DOCK9: variants seen among roughly 807,000 people sequenced by gnomAD.
The protein encoded by DOCK9 is dedicator of cytokinesis 9.
A neutral mutation model predicts 263.3 loss-of-function variants in DOCK9; 89 were observed. The ratio of observed to expected loss-of-function variants is 0.34; its 90% CI spans 0.28 to 0.40. The LOEUF (loss-of-function observed/expected upper bound fraction) is 0.40. Ranked by LOEUF, DOCK9 falls within the 10% of genes least tolerant of loss-of-function variation. DOCK9 has a pLI of 1.00. For synonymous variants in DOCK9, 976 were observed against 973.1 expected, an observed-to-expected ratio of 1.00 and a Z score of -0.06; for missense variants, 2,140 against 2,603.4, an observed-to-expected ratio of 0.82 and a Z score of 3.87.
chr13:99,074,612 G>A (rs574859342), intron 1 of DOCK9, among the ~76,000 whole-genome samples: 2 of 139,978 alleles, frequency 1.4e-5, no homozygotes, highest in East Asian at 4.4e-4. Flanking sequence ...CATGTTCCCA[G>A]AATGTGTGAT....
intron 27 of DOCK9, among the ~76,000 whole-genome samples, chr13:98,877,807 C>T (rs1405724879): frequency 6.6e-6 from 1 of 152,170 alleles, no homozygotes; most frequent in Non-Finnish European, 1.5e-5. Flanking sequence ...GCACCTCAAA[C>T]ATAGTAGGGG....
intron 1 of DOCK9, among the ~76,000 whole-genome samples, chr13:99,007,916 T>C (rs977811958): frequency 6.6e-6 from 1 of 152,192 alleles, no homozygotes; most frequent in Non-Finnish European, 1.5e-5. Flanking sequence ...GAGGGTAGTC[T>C]GGCTATACAT....
At chr13:98,885,634 T>A (rs1169246831) in intron 20 of DOCK9, 74 bp downstream of exon 20, 9 of 1,463,070 alleles carry the variant, frequency 6.2e-6, no homozygotes, top group Non-Finnish European at 8.2e-6. Context: ...AGATGGAAAT[T>A]CAGAATCTTA....
intron 1 of DOCK9, among the ~76,000 whole-genome samples, chr13:98,973,786 C>T (rs1185179250): frequency 3.3e-5 from 5 of 152,068 alleles, no homozygotes; most frequent in Admixed American, 6.6e-5. Flanking sequence ...TTTGTAGAGA[C>T]GGAGTTTCGC....
intron 21 of DOCK9, among the ~76,000 whole-genome samples, chr13:98,884,472 G>C (rs1348003214): frequency 1.3e-5 from 2 of 152,166 alleles, no homozygotes; most frequent in Admixed American, 1.3e-4. Context: ...TTATAAAGCC[G>C]CAGTCTATAA....
At chr13:99,058,129 T>A (rs1380614573) in intron 1 of DOCK9, among the ~76,000 whole-genome samples, 1 of 151,070 alleles carries the variant, frequency 6.6e-6, no homozygotes, top group East Asian at 1.9e-4. Flanking sequence ...CTGGGTGGGG[T>A]GATTCTGACC....
intron 45 of DOCK9, among the ~76,000 whole-genome samples, chr13:98,813,303 G>C (rs2091493034): frequency 6.6e-6 from 1 of 152,084 alleles, no homozygotes; most frequent in Admixed American, 6.5e-5. Context: ...CAATTTTAGG[G>C]GCAAAGCATT....
intron 33 of DOCK9, 194 bp from the exon 34 acceptor site, chr13:98,856,225 A>C (rs2093703463): frequency 3.9e-6 from 2 of 517,778 alleles, no homozygotes; most frequent in Non-Finnish European, 6.7e-6. Context: ...ACTAGTCTGA[A>C]ACATTCAGAT....
chr13:98,868,054 A>G, intron 28 of DOCK9, 43 bp from the exon 29 acceptor site: 2 of 1,585,842 alleles, frequency 1.3e-6, no homozygotes, highest in Non-Finnish European at 1.7e-6. Flanking sequence ...AGGTCCAAAC[A>G]TTTCGGAAAT....
chr13:98,983,132 C>T (rs8002259), intron 1 of DOCK9, among the ~76,000 whole-genome samples: 152,327 of 152,344 alleles, frequency 1, 76,155 homozygotes, highest in Non-Finnish European at 1. Flanking sequence ...GAAAAATATG[C>T]ATACACACAC....
chr13:99,006,013 C>T (rs938421335), intron 1 of DOCK9, among the ~76,000 whole-genome samples: 1 of 152,066 alleles, frequency 6.6e-6, no homozygotes, highest in African/African-American at 2.4e-5. Flanking sequence ...AATTTCTAAG[C>T]ATAAAGGTAA....
intron 45 of DOCK9, among the ~76,000 whole-genome samples, chr13:98,816,727 G>C (rs990549091): frequency 6.6e-5 from 10 of 151,232 alleles, no homozygotes; most frequent in Non-Finnish European, 1.3e-4. Flanking sequence ...TCAGGTGAAA[G>C]TGAAAGGTGG....
Position 98,902,420 on chromosome 13 carries a change from G to A in DOCK9, c.1248C>T (p.His416=), listed in dbSNP as rs62637601. The part of the protein sequence containing the change: ...KYNRKISADF[H]VDLNHFSVRQ... ...TCACTGAGAAATGGTTCAGGTCTAC[G>A]TGGAAATCGGCAGAAATCTTCCGGT... The change falls in exon 12 of 53, where the codon CAC becomes CAT. Residue 416 remains histidine (H), a synonymous_variant. Transcript: ENST00000682017. The A allele has an allele frequency of 2.3e-5, 37 of 1,613,996 alleles. No individual in the cohort carries two copies. The African/African-American group carries it at 3.7e-4, about 16-fold the overall frequency.
chr13:98,833,926 T>G (rs1311093413), intron 39 of DOCK9, among the ~76,000 whole-genome samples: 1 of 152,230 alleles, frequency 6.6e-6, no homozygotes, highest in Non-Finnish European at 1.5e-5. Flanking sequence ...CCTTAACTGT[T>G]CCACTCAGAA....
rs193027413 is a variant in DOCK9 at position 98,878,358 on chromosome 13, G to A, written c.2943+1540C>T. Among the ~76,000 whole-genome samples, 125 of 152,290 alleles carry A rather than the reference G, an allele frequency of 8.2e-4. 1 individual carries two copies. In the Middle Eastern group the frequency reaches 0.01, roughly 12 times the overall value. ...TTTACCATCTTTACCAGTTTTAAGT[G>A]TACAGTTCAGTGGTAATAAACACAT... On this transcript the variant is annotated intron_variant, in intron 27 of 52. Transcript: ENST00000682017.
At chr13:98,866,831 T>A (rs1333384420) in intron 30 of DOCK9, among the ~76,000 whole-genome samples, 2 of 152,206 alleles carry the variant, frequency 1.3e-5, no homozygotes, top group Non-Finnish European at 2.9e-5. Context: ...AGAAACATCC[T>A]AGAGTACCCA....
chr13:98,797,644 T>C (rs1289316), intron 50 of DOCK9, among the ~76,000 whole-genome samples, 155 bp from the exon 51 acceptor site: 147,295 of 152,290 alleles, frequency 0.97, 71,424 homozygotes, highest in East Asian at 1. Context: ...AACCACAAAG[T>C]TCACTCTGTT....
chr13:99,045,572 C>T (rs1039908444), intron 1 of DOCK9, among the ~76,000 whole-genome samples: 5 of 152,050 alleles, frequency 3.3e-5, no homozygotes, highest in African/African-American at 1.2e-4. Flanking sequence ...ACAGTATAAA[C>T]ATGGTGACTA....
chr13:98,987,562 C>G (rs1878758384), intron 1 of DOCK9, among the ~76,000 whole-genome samples: 1 of 152,094 alleles, frequency 6.6e-6, no homozygotes. Context: ...ACTCTCCAGA[C>G]ACGCTCTTCC....
Sources: gnomAD v4.1 joint callset for allele counts (sites outside exome capture counted in the v4.1 genomes callset) on GRCh38, gnomAD v4.1.1 for gene constraint, MANE v1.5 for transcripts, NCBI Gene and HGNC (gene_info 2026-07-23, HGNC 2026-07-21) for gene names.